The following HEATR5B variants were observed in gnomAD, a reference collection of about 807,000 sequenced individuals.
HEATR5B encodes the protein HEAT repeat containing 5B, also known as HEAT repeat-containing protein 5B.
HEATR5B carries 156 observed loss-of-function variants against 224.1 expected under a neutral mutation model. That is an observed-to-expected ratio of 0.70 (90% confidence interval 0.61 to 0.80). The LOEUF is 0.80. Ranked by LOEUF, HEATR5B falls within the 30% of genes least tolerant of loss-of-function variation. The pLI is 0.00. For missense variants in HEATR5B, 2,323 were observed against 2,535.5 expected (o/e 0.92, Z 1.80); for synonymous variants, 1,027 against 893.0 (o/e 1.15, Z -2.68).
intron 21 of HEATR5B, among the ~76,000 whole-genome samples, chr2:37,034,115 T>C (rs900473540): frequency 2.0e-5 from 3 of 151,626 alleles, no homozygotes; most frequent in Admixed American, 6.6e-5. Context: ...AAATTCATAG[T>C]CCTGCCTCAG....
chr2:37,033,199 T>C (rs1456538039), intron 21 of HEATR5B, among the ~76,000 whole-genome samples: 1 of 152,148 alleles, frequency 6.6e-6, no homozygotes, highest in Non-Finnish European at 1.5e-5. Context: ...TATATTAACA[T>C]CTTACTTCTG....
Position 37,040,481 on chromosome 2 carries a change from G to A in HEATR5B, c.2894C>T (p.Ser965Phe). 6.2e-7 allele frequency: 1 copy of A among 1,612,474 alleles called. No homozygotes were observed. The highest frequency in any genetic ancestry group is 1.3e-5 in the African/African-American group (1 of 74,976). ...ATAGCCACGATACATCGGACCACTA[G>A]AATCCACTATCAAAGCAAGTGAATG... is the stretch of plus-strand genomic sequence containing the variant. ...SLHSLALIVD[S>F]SGPMYRGYVE... is the part of the protein sequence containing the mutation. The change falls in exon 20 of 36, where the codon TCT becomes TTT. Residue 965 changes from serine to phenylalanine, a missense_variant. Around this residue, in one of 12 missense-constraint regions of HEATR5B, gnomAD observed 44 missense variants for 39.0 expected, o/e 1.13. Coordinates refer to ENST00000233099, the MANE Select transcript of HEATR5B (RefSeq NM_019024.3).
rs150213749 is a variant in HEATR5B at position 37,003,152 on chromosome 2, G to A, written c.5050+390C>T. On this transcript the variant is annotated intron_variant, in intron 31 of 35. Coordinates refer to ENST00000233099, the MANE Select transcript of HEATR5B (RefSeq NM_019024.3). ...TGTCTGTAAACCCAGGTACTCTGGA[G>A]GCTGAGGTGGGAAGATCACCTGATC... is the stretch of plus-strand genomic sequence containing the variant. Among the ~76,000 whole-genome samples the A allele has an allele frequency of 5.9e-3, 900 of 151,434 alleles. 8 individuals are homozygous for A. The highest frequency in any genetic ancestry group is 0.021 in the African/African-American group (853 of 41,202).
At chr2:36,985,300 T>A (rs1174864163) in intron 35 of HEATR5B, among the ~76,000 whole-genome samples, 1 of 152,200 alleles carries the variant, frequency 6.6e-6, no homozygotes, top group Non-Finnish European at 1.5e-5. Context: ...CCTTTGGTTT[T>A]TTATGGCATT....
chr2:37,015,978 G>T (rs1053446866), intron 26 of HEATR5B, among the ~76,000 whole-genome samples: 1 of 151,980 alleles, frequency 6.6e-6, no homozygotes, highest in Admixed American at 6.6e-5. Context: ...GAAAGAAATT[G>T]AAAAGAAAAT....
chr2:37,066,329 C>CG (rs1671586820), intron 8 of HEATR5B, among the ~76,000 whole-genome samples: 1 of 152,180 alleles, frequency 6.6e-6, no homozygotes, highest in South Asian at 2.1e-4. Flanking sequence ...CTATTTCAAA[C>CG]GGTACTGTGG....
Position 37,049,843 on chromosome 2 carries a change from C to T in HEATR5B, c.2506G>A (p.Gly836Ser), listed in dbSNP as rs1670425820. 2 of 1,412,088 alleles carry T rather than the reference C, an allele frequency of 1.4e-6. No homozygotes were observed. Among genetic ancestry groups the T allele is most frequent in the Admixed American group, 2.9e-5 (1 of 34,236 alleles). The allele number at this position is 1,412,088 out of a possible 1,614,324, so 87.5% of individuals were successfully genotyped here. A position where few individuals can be genotyped will look rare whatever the true frequency, so the allele number is the denominator to read the frequency against. ...AAAGTACTTTTGTTTTCAGCTAAGC[C>T]CTACATTAAAAAAAAAAAAAAAAAA... The part of the protein sequence containing the change: ...IFTAVLSALK[G>S]LAENKSTLGP... The change falls in exon 18 of 36, where the codon GGC becomes AGC. Residue 836 changes from glycine to serine, a missense_variant and splice_region_variant. Physicochemically the swap from Gly to Ser is moderately conservative, Grantham distance 56. Coordinates refer to ENST00000233099, the MANE Select transcript of HEATR5B (RefSeq NM_019024.3).
intron 22 of HEATR5B, among the ~76,000 whole-genome samples, chr2:37,031,864 C>T (rs911496480): frequency 6.6e-6 from 1 of 151,944 alleles, no homozygotes; most frequent in Non-Finnish European, 1.5e-5. Flanking sequence ...TTCCAAACCA[C>T]CTACACCTAG....
chr2:37,052,700 G>A (rs930828782), intron 17 of HEATR5B, among the ~76,000 whole-genome samples: 1 of 152,194 alleles, frequency 6.6e-6, no homozygotes, highest in African/African-American at 2.4e-5. Context: ...AGGGTTATCT[G>A]AACATAGGTG....
In HEATR5B at chr2:37,062,036, A is replaced by G. The variant is rs546394893; in HGVS notation, c.1599T>C (p.Ile533=). The G allele has an allele frequency of 4.4e-6, 7 of 1,603,198 alleles. No individual in the cohort carries two copies. In the Admixed American group the frequency reaches 1.0e-4, roughly 23 times the overall value. Reference sequence around the variant, plus strand: ...CAGCAGTTCGTAAAAGATCTTCAGCAATACTAACTACCATCTGCAAGAAAA... The same window carrying G: ...CAGCAGTTCGTAAAAGATCTTCAGCGATACTAACTACCATCTGCAAGAAAA... ...PHAKGKMVVS[I]AEDLLRTAAQ... is the part of the protein sequence containing the mutation. Residue 533 remains isoleucine (I), a synonymous_variant, in exon 11 of 36, where the codon ATT becomes ATC. Coordinates refer to ENST00000233099, the MANE Select transcript of HEATR5B (RefSeq NM_019024.3).
intron 31 of HEATR5B, 130 bp from the exon 32 acceptor site, chr2:37,002,702 G>A: frequency 1.1e-6 from 1 of 892,590 alleles, no homozygotes; most frequent in Non-Finnish European, 1.7e-6. Context: ...GTCCTTCTCT[G>A]TATAATTCTC....
intron 10 of HEATR5B, among the ~76,000 whole-genome samples, chr2:37,064,500 T>C (rs1296349134): frequency 6.6e-6 from 1 of 151,990 alleles, no homozygotes; most frequent in Non-Finnish European, 1.5e-5. Flanking sequence ...TTTTTTTCTC[T>C]TTCCCTCTAA....
At chr2:37,059,044 T>C (rs769708133) in intron 12 of HEATR5B, 57 bp from the exon 13 acceptor site, 61 of 1,059,286 alleles carry the variant, frequency 5.8e-5, no homozygotes, top group Non-Finnish European at 8.6e-5. Context: ...CATGAATTAA[T>C]TTATAAAATT....
At chr2:37,031,122 C>T (rs553234292) in intron 22 of HEATR5B, among the ~76,000 whole-genome samples, 46 of 152,294 alleles carry the variant, frequency 3.0e-4, no homozygotes, top group African/African-American at 1.0e-3. Context: ...TGCTGGGTTG[C>T]GATCTCTATG....
chr2:37,071,130 A>ACAT lies in HEATR5B; in HGVS notation c.770-746_770-744dup, dbSNP rs57358811. Among the ~76,000 whole-genome samples, 1,058 of 151,206 alleles carry ACAT rather than the reference A, an allele frequency of 7.0e-3. 4 individuals carry two copies. Among genetic ancestry groups the ACAT allele is most frequent in the Middle Eastern group, 0.01 (3 of 294 alleles). On this transcript the variant is annotated intron_variant, in intron 6 of 35. Coordinates refer to ENST00000233099, the MANE Select transcript of HEATR5B (RefSeq NM_019024.3). Reference sequence around the variant, plus strand: ...CACATAGTTAGCACTTTAAAACATTACATCATCATCATCATCATCATCATC... The same window carrying ACAT: ...CACATAGTTAGCACTTTAAAACATTACATCATCATCATCATCATCATCATCATC...
Position 37,000,820 on chromosome 2 carries a change from G to C in HEATR5B, c.5318-7C>G, listed in dbSNP as rs1356009475. ...GGCAGGATTGTCATACATCCTGAAAGAAAAACAAATCAGATCACCTCATAA... is the reference window on the plus strand; with the variant it reads ...GGCAGGATTGTCATACATCCTGAAACAAAAACAAATCAGATCACCTCATAA... On this transcript the variant is annotated splice_region_variant and splice_polypyrimidine_tract_variant and intron_variant, in intron 32 of 35. Coordinates refer to ENST00000233099, the MANE Select transcript of HEATR5B (RefSeq NM_019024.3). 1.9e-6 allele frequency: 3 copies of C among 1,578,530 alleles called. No homozygotes were observed. Among genetic ancestry groups the C allele is most frequent in the Non-Finnish European group, 2.6e-6 (3 of 1,148,158 alleles).
chr2:37,073,996 A>C (rs1331538815), intron 5 of HEATR5B, among the ~76,000 whole-genome samples: 2 of 152,150 alleles, frequency 1.3e-5, no homozygotes, highest in Non-Finnish European at 2.9e-5. Context: ...GTGTAAACGG[A>C]GTTTAGTGAA....
intron 5 of HEATR5B, among the ~76,000 whole-genome samples, chr2:37,073,688 C>T (rs1672047677): frequency 6.6e-6 from 1 of 152,126 alleles, no homozygotes; most frequent in African/African-American, 2.4e-5. Flanking sequence ...ATATCATGTC[C>T]ATAGGGTGGA....
intron 19 of HEATR5B, 48 bp from the exon 20 acceptor site, chr2:37,040,566 G>GTACTGAATTGAGTA (rs149928514): frequency 0.016 from 21,697 of 1,394,660 alleles, 488 homozygotes; most frequent in African/African-American, 0.07. Flanking sequence ...GAATTCGAAT[G>GTACTGAATTGAGTA]TACTGAATTG....
Sources: gnomAD v4.1 joint callset for allele counts (sites outside exome capture counted in the v4.1 genomes callset) on GRCh38, gnomAD v4.1.1 for gene constraint, gnomAD v4.1.1 regional missense constraint, MANE v1.5 for transcripts, NCBI Gene and HGNC (gene_info 2026-07-23, HGNC 2026-07-21) for gene names.